The following CEP162 variants were observed in gnomAD, a reference collection of about 807,000 sequenced individuals.
The protein encoded by CEP162 is centrosomal protein 162.
A neutral mutation model predicts 169.2 loss-of-function variants in CEP162; 141 were observed. That is an observed-to-expected ratio of 0.83 (90% confidence interval 0.73 to 0.96). The LOEUF is 0.96. Ranked by LOEUF, CEP162 falls within the 40% of genes least tolerant of loss-of-function variation. The probability of loss-of-function intolerance (pLI) is 0.00; values close to 1 mark genes in which losing one functional copy is unlikely to be tolerated. For synonymous variants in CEP162, 540 were observed against 526.4 expected, an observed-to-expected ratio of 1.03 and a Z score of -0.35; for missense variants, 1,600 against 1,587.2, an observed-to-expected ratio of 1.01 and a Z score of -0.14.
Position 84,193,547 on chromosome 6 carries a change from T to A in CEP162, c.1109+62A>T, listed in dbSNP as rs1239436354. The A allele has an allele frequency of 1.8e-5, 17 of 967,194 alleles. No homozygotes were observed. The Admixed American group carries it at 3.9e-4, about 22-fold the overall frequency. 59.9% of individuals were successfully genotyped at this position (967,194 alleles called of 1,614,324 possible). ...GTCATTAATCATTCACTAGGAATGA[T>A]TACATAGAACAAATGACTATAAAAG... On this transcript the variant is annotated intron_variant, in intron 11 of 26. Transcript: ENST00000403245.
At chr6:84,188,983 T>C (rs2099538471) in intron 11 of CEP162, among the ~76,000 whole-genome samples, 1 of 152,084 alleles carries the variant, frequency 6.6e-6, no homozygotes, top group African/African-American at 2.4e-5. Flanking sequence ...TAATGATTAG[T>C]GATGTTGAGC....
At chr6:84,213,078 GC>G in intron 5 of CEP162, 54 bp from the exon 6 acceptor site, 15 of 1,077,234 alleles carry the variant, frequency 1.4e-5, no homozygotes, top group Non-Finnish European at 1.9e-5. Flanking sequence ...ATATTCTCAT[GC>G]AACTCTTTCT....
intron 13 of CEP162, among the ~76,000 whole-genome samples, chr6:84,182,793 C>T (rs1367082611): frequency 1.3e-5 from 2 of 152,172 alleles, no homozygotes; most frequent in Non-Finnish European, 2.9e-5. Context: ...AACTGCCTAT[C>T]TCTGGACTCT....
rs758833956 is a variant in CEP162, at chr6:84,221,172, C to A, written c.58-1G>T. 9 of 1,367,500 alleles carry A rather than the reference C, an allele frequency of 6.6e-6. No individual in the cohort carries two copies. Among genetic ancestry groups the A allele is most frequent in the Non-Finnish European group, 8.3e-6 (8 of 958,828 alleles). The allele number at this position is 1,367,500 out of a possible 1,614,324, so 84.7% of individuals were successfully genotyped here. A position where few individuals can be genotyped will look rare whatever the true frequency, so the allele number is the denominator to read the frequency against. The stretch of plus-strand genomic sequence containing the variant: ...AATTTTCAAAAGAATCATCTGAAAG[C>A]TGAATTAGATATAAGACATTCAATT... On this transcript the variant is annotated splice_acceptor_variant, in intron 2 of 26. Transcript: ENST00000403245. LOFTEE classifies it high-confidence loss of function.
intron 2 of CEP162, among the ~76,000 whole-genome samples, chr6:84,225,017 G>C (rs2099555148): frequency 6.6e-6 from 1 of 152,044 alleles, no homozygotes; most frequent in Non-Finnish European, 1.5e-5. Flanking sequence ...TACAAAGAAG[G>C]CATTATTTTT....
At chr6:84,206,906 C>T (rs934768629) in intron 6 of CEP162, among the ~76,000 whole-genome samples, 1 of 152,144 alleles carries the variant, frequency 6.6e-6, no homozygotes, top group African/African-American at 2.4e-5. Context: ...AAAAAGTGGG[C>T]AAAGGATATG....
chr6:84,178,026 T>C (rs2099533107), intron 13 of CEP162, among the ~76,000 whole-genome samples: 1 of 152,228 alleles, frequency 6.6e-6, no homozygotes. Context: ...TATTTTATTA[T>C]GATATAATAT....
At chr6:84,214,380 A>G (rs889853788) in intron 5 of CEP162, among the ~76,000 whole-genome samples, 2 of 152,208 alleles carry the variant, frequency 1.3e-5, no homozygotes, top group Middle Eastern at 3.2e-3. Context: ...TGCCCTCAGC[A>G]TAATCATAGG....
At chr6:84,164,200 C>G (rs1418770064) in intron 18 of CEP162, among the ~76,000 whole-genome samples, 2 of 152,144 alleles carry the variant, frequency 1.3e-5, no homozygotes, top group Non-Finnish European at 2.9e-5. Context: ...CTGGAAACAA[C>G]AGATGCTGGC....
intron 13 of CEP162, among the ~76,000 whole-genome samples, chr6:84,176,592 A>C (rs1232023541): frequency 6.6e-6 from 1 of 152,174 alleles, no homozygotes; most frequent in African/African-American, 2.4e-5. Flanking sequence ...TAAAATCTGA[A>C]ATTTTTTGAG....
chr6:84,134,202 C>T (rs1282793476), intron 25 of CEP162, among the ~76,000 whole-genome samples: 1 of 152,200 alleles, frequency 6.6e-6, no homozygotes, highest in African/African-American at 2.4e-5. Context: ...GTGGATGCCA[C>T]TCCCCCCACC....
At chr6:84,181,832 G>A (rs556060309) in intron 13 of CEP162, among the ~76,000 whole-genome samples, 41 of 152,024 alleles carry the variant, frequency 2.7e-4, no homozygotes, top group African/African-American at 9.4e-4. Context: ...TGAATAGGAG[G>A]CATGTAAGTT....
intron 16 of CEP162, among the ~76,000 whole-genome samples, chr6:84,173,686 CT>C (rs3066635): frequency 2.8e-3 from 389 of 140,398 alleles, no homozygotes; most frequent in South Asian, 3.8e-3. Flanking sequence ...TTTAATATAC[CT>C]TTTTTTTTTT....
chr6:84,201,608 C>A, intron 8 of CEP162, 129 bp downstream of exon 8: 2 of 579,574 alleles, frequency 3.5e-6, no homozygotes, highest in Non-Finnish European at 3.1e-6. Context: ...TTGAGAAAAG[C>A]TAGGAACTTC....
In CEP162 at chr6:84,187,613, C is replaced by T. The variant is rs1018855527; in HGVS notation, c.1110-990G>A. Among the ~76,000 whole-genome samples the T allele has an allele frequency of 1.2e-4, 18 of 152,230 alleles. 1 individual carries two copies. The highest frequency in any genetic ancestry group is 2.6e-4 in the Admixed American group (4 of 15,296). On this transcript the variant is annotated intron_variant, in intron 11 of 26. Transcript: ENST00000403245. ...AGTTTTTCCCTTTAGAATGTGAGTGCTATGATGCTAAGAACCCAACTTATT... is the reference window on the plus strand; with the variant it reads ...AGTTTTTCCCTTTAGAATGTGAGTGTTATGATGCTAAGAACCCAACTTATT...
chr6:84,137,600 A>G (rs1458715877), intron 25 of CEP162, among the ~76,000 whole-genome samples: 1 of 152,170 alleles, frequency 6.6e-6, no homozygotes, highest in Non-Finnish European at 1.5e-5. Context: ...CTAATAATAG[A>G]AAAAATATGA....
At chr6:84,223,524 T>TAAATAA (rs541566928) in intron 2 of CEP162, among the ~76,000 whole-genome samples, 1 of 147,388 alleles carries the variant, frequency 6.8e-6, no homozygotes, top group East Asian at 2.0e-4. Flanking sequence ...AATAAATAAA[T>TAAATAA]AAATAAAAAT....
intron 25 of CEP162, among the ~76,000 whole-genome samples, chr6:84,145,478 G>T (rs960370376): frequency 2.0e-5 from 3 of 152,110 alleles, no homozygotes; most frequent in African/African-American, 7.2e-5. Context: ...ATCTCTGATA[G>T]AAATGAGGGT....
chr6:84,203,926 A>C (rs2099545662), intron 7 of CEP162, 55 bp downstream of exon 7: 2 of 1,017,708 alleles, frequency 2.0e-6, no homozygotes. Context: ...AGCAATAGGC[A>C]GCCAGGTTGA....
Sources: allele counts gnomAD v4.1 joint callset (sites outside exome capture counted in the v4.1 genomes callset), GRCh38; gene constraint gnomAD v4.1.1; transcripts MANE v1.5; gene names NCBI Gene and HGNC (gene_info 2026-07-23, HGNC 2026-07-21).